The following CCNY variants were observed in gnomAD, a reference collection of about 807,000 sequenced individuals.
CCNY encodes cyclin-Y.
In CCNY, 19 loss-of-function variants were observed where a neutral mutation model predicts 42.8. That is an observed-to-expected ratio of 0.44 (90% CI 0.31 to 0.65). The LOEUF (loss-of-function observed/expected upper bound fraction) is 0.65, where lower values mean the gene tolerates loss of function less well. CCNY is among the 30% of genes least tolerant of loss of function. The pLI is 0.07. For synonymous variants in CCNY, 165 were observed against 162.7 expected (o/e 1.01, Z -0.11); for missense variants, 370 against 437.3 (o/e 0.85, Z 1.37).
At chr10:35,545,767 G>T (rs1343274852) in intron 7 of CCNY, among the ~76,000 whole-genome samples, 2 of 152,126 alleles carry the variant, frequency 1.3e-5, no homozygotes, top group African/African-American at 4.8e-5. Context: ...TATTGCTGTA[G>T]TTTAGGGTAA....
intron 3 of CCNY, among the ~76,000 whole-genome samples, chr10:35,277,669 G>A (rs550414751): frequency 1.0e-3 from 152 of 152,126 alleles, no homozygotes; most frequent in Non-Finnish European, 1.9e-3. Context: ...GTCTCTCTCA[G>A]TCTCTAGCAC....
rs562515937 is a variant in CCNY at position 35,337,968 on chromosome 10, A to G, written c.154+761A>G. Reference sequence around the variant, plus strand: ...TACTGCACGCAGTAATGTTTTATTTATTTTATTGGTTTGGCAACATATTTA... The same window carrying G: ...TACTGCACGCAGTAATGTTTTATTTGTTTTATTGGTTTGGCAACATATTTA... On this transcript the variant is annotated intron_variant, in intron 1 of 9. Transcript: ENST00000374704. Among the ~76,000 whole-genome samples, 9 of 152,292 alleles carry G rather than the reference A, an allele frequency of 5.9e-5. No individual in the cohort carries two copies. In the East Asian group the frequency reaches 1.7e-3, roughly 29 times the overall value.
At chr10:35,276,325 T>A (rs967951604) in intron 3 of CCNY, among the ~76,000 whole-genome samples, 3 of 152,186 alleles carry the variant, frequency 2.0e-5, no homozygotes, top group African/African-American at 7.2e-5. Context: ...TCGGCCTCCA[T>A]CATTTTGGAA....
At chr10:35,542,243 C>G (rs907329109) in intron 7 of CCNY, among the ~76,000 whole-genome samples, 1 of 150,824 alleles carries the variant, frequency 6.6e-6, no homozygotes, top group Non-Finnish European at 1.5e-5. Flanking sequence ...ATGTCCCTAA[C>G]TTGGGATTTG....
At chr10:35,535,473 C>T (rs1002020061) in intron 7 of CCNY, among the ~76,000 whole-genome samples, 14 of 152,230 alleles carry the variant, frequency 9.2e-5, no homozygotes, top group Admixed American at 3.3e-4. Context: ...TCACAACCCA[C>T]AGGCTTTTGG....
chr10:35,345,216 C>T (rs1836274996), intron 1 of CCNY, among the ~76,000 whole-genome samples: 1 of 152,174 alleles, frequency 6.6e-6, no homozygotes, highest in Admixed American at 6.5e-5. Context: ...TCCTATTTCT[C>T]CACATCCTCT....
At position 35,528,195 on chromosome 10, in the gene CCNY, T is replaced by A. The variant is rs556931175; in HGVS notation, c.402-1778T>A. Among the ~76,000 whole-genome samples the A allele has an allele frequency of 3.9e-5, 6 of 152,228 alleles. No homozygotes were observed. In the South Asian group the frequency reaches 1.2e-3, roughly 32 times the overall value. ...ATAGAGATTCAAGATTTGGTTTATT[T>A]GAAAACTCAGTAAATAAGGTGAGGG... On this transcript the variant is annotated intron_variant, in intron 5 of 9. Transcript: ENST00000374704.
At chr10:35,375,761 G>A (rs748400547) in intron 1 of CCNY, among the ~76,000 whole-genome samples, 10 of 152,226 alleles carry the variant, frequency 6.6e-5, no homozygotes, top group Non-Finnish European at 1.2e-4. Context: ...GGAGTTGAGA[G>A]AAATTGTGTC....
In CCNY at chr10:35,520,944, A is replaced by G. The variant is rs182999131; in HGVS notation, c.365+4321A>G. Among the ~76,000 whole-genome samples the G allele has an allele frequency of 3.9e-5, 6 of 152,306 alleles. No individual in the cohort carries two copies. The East Asian group carries it at 9.7e-4, about 25-fold the overall frequency. Reference sequence around the variant, plus strand: ...GGGGAGCCCCTTTGCGCACTTGGCCATACCATCAGGGTCCTTGGCCTCCAG... The same window carrying G: ...GGGGAGCCCCTTTGCGCACTTGGCCGTACCATCAGGGTCCTTGGCCTCCAG... On this transcript the variant is annotated intron_variant, in intron 4 of 9. Coordinates refer to ENST00000374704, the MANE Select transcript of CCNY (RefSeq NM_145012.6).
At chr10:35,518,102 G>T (rs1840466828) in intron 4 of CCNY, among the ~76,000 whole-genome samples, 1 of 152,174 alleles carries the variant, frequency 6.6e-6, no homozygotes, top group Non-Finnish European at 1.5e-5. Context: ...TTCACAGGTG[G>T]CTCTGTCTTA....
chr10:35,480,795 T>C (rs1839650039), intron 1 of CCNY, among the ~76,000 whole-genome samples: 1 of 152,012 alleles, frequency 6.6e-6, no homozygotes, highest in African/African-American at 2.4e-5. Flanking sequence ...AGTAAGACTC[T>C]GTAGCTACAA....
intron 7 of CCNY, among the ~76,000 whole-genome samples, chr10:35,548,115 A>G (rs1841155731): frequency 6.6e-6 from 1 of 152,076 alleles, no homozygotes; most frequent in African/African-American, 2.4e-5. Context: ...CCCAAAACTT[A>G]ATAGCCTACT....
chr10:35,477,320 C>A (rs1839537896), intron 1 of CCNY, among the ~76,000 whole-genome samples: 1 of 151,550 alleles, frequency 6.6e-6, no homozygotes, highest in South Asian at 2.1e-4. Flanking sequence ...CAAAGCCGGG[C>A]AGAGACACAA....
intron 3 of CCNY, among the ~76,000 whole-genome samples, chr10:35,516,217 A>G (rs1840423224): frequency 6.6e-6 from 1 of 152,206 alleles, no homozygotes. Context: ...CATACAAGCC[A>G]TGGGGCAGGT....
chr10:35,497,007 T>G (rs979727649), intron 2 of CCNY, among the ~76,000 whole-genome samples: 2 of 152,260 alleles, frequency 1.3e-5, no homozygotes, highest in African/African-American at 4.8e-5. Context: ...CTGGTCCATT[T>G]TCTGTTTACA....
At position 35,530,074 on chromosome 10, in the gene CCNY, C is replaced by A; in HGVS notation, c.459+44C>A. 1 of 1,614,126 alleles carries A rather than the reference C, an allele frequency of 6.2e-7. No homozygotes were observed. Among genetic ancestry groups the A allele is most frequent in the Non-Finnish European group, 8.5e-7 (1 of 1,179,970 alleles). On this transcript the variant is annotated intron_variant, in intron 6 of 9. Coordinates refer to ENST00000374704, the MANE Select transcript of CCNY (RefSeq NM_145012.6). The surrounding 1 kb of genome is among the most constrained non-coding windows in gnomAD (Gnocchi z 4.3). Reference sequence around the variant, plus strand: ...TTCATGAGATGATTTAATTATTTCTCTTTTGCTCCAATCGGGAGATCAGTC... The same window carrying A: ...TTCATGAGATGATTTAATTATTTCTATTTTGCTCCAATCGGGAGATCAGTC...
At chr10:35,300,390 G>A (rs1764732187) in intron 3 of CCNY, among the ~76,000 whole-genome samples, 1 of 151,728 alleles carries the variant, frequency 6.6e-6, no homozygotes, top group Admixed American at 6.6e-5. Flanking sequence ...GGTGATCGTG[G>A]GTCTTGCCTT....
At chr10:35,477,557 T>C (rs540413219) in intron 1 of CCNY, among the ~76,000 whole-genome samples, 27 of 152,214 alleles carry the variant, frequency 1.8e-4, no homozygotes, top group Admixed American at 1.5e-3. Context: ...TCTCAATAGA[T>C]GCAAAGAAGG....
intron 1 of CCNY, among the ~76,000 whole-genome samples, chr10:35,415,895 C>T (rs1195036460): frequency 6.6e-6 from 1 of 152,140 alleles, no homozygotes; most frequent in African/African-American, 2.4e-5. Context: ...CTGCACAGAT[C>T]GACAGAGAGT....
Sources: allele counts gnomAD v4.1 joint callset (sites outside exome capture counted in the v4.1 genomes callset), GRCh38; gene constraint gnomAD v4.1.1; non-coding constraint Gnocchi (gnomAD v3.1); transcripts MANE v1.5; gene names NCBI Gene and HGNC (gene_info 2026-07-23, HGNC 2026-07-21).